ATG16L2: variants seen among roughly 807,000 people sequenced by gnomAD.
ATG16L2 encodes protein Atg16l2.
In ATG16L2, 77 loss-of-function variants were observed where a neutral mutation model predicts 84.7. That is an observed-to-expected ratio of 0.91 (90% confidence interval 0.76 to 1.10). The LOEUF (loss-of-function observed/expected upper bound fraction) is 1.10, where lower values mean the gene tolerates loss of function less well. Ranked by LOEUF, ATG16L2 falls within the 50% of genes least tolerant of loss-of-function variation. ATG16L2 has a pLI of 0.00. For synonymous variants in ATG16L2, 361 were observed against 342.8 expected, an observed-to-expected ratio of 1.05 and a Z score of -0.59; for missense variants, 782 against 817.6, an observed-to-expected ratio of 0.96 and a Z score of 0.53.
intron 7 of ATG16L2, chr11:72,823,770 C>T (rs771040611): frequency 2.2e-5 from 12 of 537,534 alleles, no homozygotes; most frequent in African/African-American, 1.3e-4. Flanking sequence ...CTGTAGGCCC[C>T]GGCTCAGCTT....
chr11:72,824,866 G>A, intron 9 of ATG16L2, 24 bp downstream of exon 9: 1 of 1,555,372 alleles, frequency 6.4e-7, no homozygotes, highest in Non-Finnish European at 8.7e-7. Flanking sequence ...TGAGCCACAT[G>A]GGTGGGGCAG....
intron 5 of ATG16L2, chr11:72,837,790 T>G (rs893258988): frequency 2.6e-5 from 4 of 152,256 alleles, no homozygotes; most frequent in Admixed American, 6.5e-5. Flanking sequence ...AAGCTGCATT[T>G]TCCACCATAG....
intron 14 of ATG16L2, 43 bp from the exon 15 acceptor site, chr11:72,828,316 G>A (rs1860482425): frequency 6.2e-7 from 1 of 1,610,946 alleles, no homozygotes; most frequent in Non-Finnish European, 8.5e-7. Context: ...GGAGTGGCCT[G>A]GCTAGGCTGT....
At chr11:72,841,013 C>T in intron 5 of ATG16L2, 1 of 1,329,854 alleles carries the variant, frequency 7.5e-7, no homozygotes, top group Non-Finnish European at 1.1e-6. Context: ...AGCAATAATG[C>T]TGATGCAAGG....
chr11:72,824,909 G>T, intron 9 of ATG16L2, 67 bp downstream of exon 9: 1 of 1,359,632 alleles, frequency 7.4e-7, no homozygotes, highest in African/African-American at 1.5e-5. Context: ...GGGTGGTCTC[G>T]GCACCAGGGG....
In ATG16L2 at chr11:72,822,305, CAGGCCCCGCCCCTCCTGAGGAA is replaced by C. The variant is rs1207407151; in HGVS notation, c.644+24_644+45del. On this transcript the variant is annotated intron_variant, in intron 5 of 17. Transcript: ENST00000321297. This position sits in a 1 kb window ranked among gnomAD's most constrained non-coding sequence, Gnocchi z 4.2. ...ACGAGCGCCGGGAGCGGTGAGGGAG[CAGGCCCCGCCCCTCCTGAGGAA>C]AGGCCCCGCCCCTGCAGGGAGGAGT... The C allele has an allele frequency of 2.0e-6, 3 of 1,515,096 alleles. No homozygotes were observed. The highest frequency in any genetic ancestry group is 2.6e-6 in the Non-Finnish European group (3 of 1,139,138). The allele number at this position is 1,515,096 out of a possible 1,614,324, so 93.9% of individuals were successfully genotyped here. A position where few individuals can be genotyped will look rare whatever the true frequency, so the allele number is the denominator to read the frequency against.
chr11:72,824,327 AG>A, intron 8 of ATG16L2: 1 of 630,604 alleles, frequency 1.6e-6, no homozygotes, highest in Non-Finnish European at 2.8e-6. Flanking sequence ...TGTCCTCACA[AG>A]GGTCTGTCTT....
chr11:72,829,415 G>A lies in ATG16L2; in HGVS notation c.*25G>A. ...GGGCCACGACCTGCCTGCCTGGGCT[G>A]GAGCTCTTGCCCGAAGCCTGAAGCT... On this transcript the variant is annotated 3_prime_UTR_variant, in exon 18 of 18. Transcript: ENST00000321297. 6.2e-7 allele frequency: 1 copy of A among 1,602,884 alleles called. No homozygotes were observed. Among genetic ancestry groups the A allele is most frequent in the East Asian group, 2.2e-5 (1 of 44,644 alleles).
At chr11:72,830,537 T>A (rs1296225421), downstream of ATG16L2, among the ~76,000 whole-genome samples, 1 of 152,152 alleles carries the variant, frequency 6.6e-6, no homozygotes, top group Non-Finnish European at 1.5e-5. Context: ...TAGTGCAGCC[T>A]CAAACTCCTG....
chr11:72,842,512 G>A (rs1369029306), intron 5 of ATG16L2: 14 of 1,326,418 alleles, frequency 1.1e-5, no homozygotes, highest in South Asian at 4.2e-5. Flanking sequence ...ACCAAGGACC[G>A]GTGAGGGTAA....
chr11:72,822,274 T>A lies in ATG16L2; in HGVS notation c.623T>A (p.Leu208Gln), dbSNP rs1453851026. The change falls in exon 5 of 18, where the codon CTG becomes CAG. Residue 208 changes from leucine (L) to glutamine (Q), a missense_variant. Leu to Gln is a moderately radical substitution (Grantham distance 113, BLOSUM62 -2). Coordinates refer to ENST00000321297, the MANE Select transcript of ATG16L2 (RefSeq NM_033388.2). The surrounding 1 kb of genome is among the most constrained non-coding windows in gnomAD (Gnocchi z 4.2). ...RKARAAAERN[L>Q]RNERRERAKQ... Reference sequence around the variant, plus strand: ...GCGCGCGCCGCGGCCGAGCGCAACCTGCGCAACGAGCGCCGGGAGCGGTGA... The same window carrying A: ...GCGCGCGCCGCGGCCGAGCGCAACCAGCGCAACGAGCGCCGGGAGCGGTGA... 2 of 1,507,692 alleles carry A rather than the reference T, an allele frequency of 1.3e-6. No individual in the cohort carries two copies. The highest frequency in any genetic ancestry group is 2.8e-5 in the African/African-American group (2 of 70,206). The allele number at this position is 1,507,692 out of a possible 1,614,324, so 93.4% of individuals were successfully genotyped here. A position where few individuals can be genotyped will look rare whatever the true frequency, so the allele number is the denominator to read the frequency against.
chr11:72,826,609 G>A lies in ATG16L2; in HGVS notation c.1245+20G>A, dbSNP rs201449569. ...TCCAAGGTGAGGCCTGACTGGGGAG[G>A]CTGCCTGGAGGTCAGAGGTCATACC... On this transcript the variant is annotated intron_variant, in intron 12 of 17. Coordinates refer to ENST00000321297, the MANE Select transcript of ATG16L2 (RefSeq NM_033388.2). The A allele has an allele frequency of 1.3e-5, 21 of 1,614,014 alleles. No homozygotes were observed. In the East Asian group the frequency reaches 3.6e-4, roughly 27 times the overall value.
chr11:72,843,471 C>T, exon 6 of ATG16L2: 1 of 1,613,544 alleles, frequency 6.2e-7, no homozygotes. Flanking sequence ...TTCCATATCT[C>T]CATCTTCAAT....
intron 11 of ATG16L2, 24 bp downstream of exon 11, chr11:72,826,267 A>C (rs1367413401): frequency 1.9e-6 from 3 of 1,611,606 alleles, no homozygotes; most frequent in Admixed American, 1.7e-5. Flanking sequence ...CCCCAGTGGC[A>C]TGGGATTGTG....
intron 5 of ATG16L2, chr11:72,840,858 T>C (rs368134636): frequency 1.4e-4 from 224 of 1,565,086 alleles, no homozygotes; most frequent in Non-Finnish European, 1.8e-4. Flanking sequence ...TCGATAATCC[T>C]GCAAGATCAG....
Position 72,814,423 on chromosome 11 carries a change from C to T in ATG16L2, c.-23C>T. ...CGCCGTCCTGGGCGGGAGGAACGCGCCGCTAGGCGGGAGAGCGCGGCCATG... is the reference window on the plus strand; with the variant it reads ...CGCCGTCCTGGGCGGGAGGAACGCGTCGCTAGGCGGGAGAGCGCGGCCATG... On this transcript the variant is annotated 5_prime_UTR_variant, in exon 1 of 18. Transcript: ENST00000321297. The T allele has an allele frequency of 7.1e-7, 1 of 1,418,238 alleles. No individual in the cohort carries two copies. The highest frequency in any genetic ancestry group is 9.3e-7 in the Non-Finnish European group (1 of 1,074,582). 87.9% of individuals were successfully genotyped at this position (1,418,238 alleles called of 1,614,324 possible).
At chr11:72,821,846 C>T in intron 4 of ATG16L2, 105 bp downstream of exon 4, 1 of 1,457,010 alleles carries the variant, frequency 6.9e-7, no homozygotes, top group African/African-American at 1.4e-5. Context: ...TCTTTCCCTA[C>T]GTCCCCCCGA....
At chr11:72,820,411 C>T (rs1859924399) in intron 3 of ATG16L2, 1 of 152,212 alleles carries the variant, frequency 6.6e-6, no homozygotes, top group South Asian at 2.1e-4. Flanking sequence ...CTGGCAAGTA[C>T]TAATCTGTTT....
At chr11:72,842,260 G>C (rs1370774197) in intron 5 of ATG16L2, among the ~76,000 whole-genome samples, 1 of 152,232 alleles carries the variant, frequency 6.6e-6, no homozygotes, top group African/African-American at 2.4e-5. Context: ...GGGAGAGAGA[G>C]AGCCAGCTAA....
Sources: gnomAD v4.1 joint callset for allele counts (sites outside exome capture counted in the v4.1 genomes callset) on GRCh38, gnomAD v4.1.1 for gene constraint, Gnocchi (gnomAD v3.1) non-coding constraint, MANE v1.5 for transcripts, NCBI Gene and HGNC (gene_info 2026-07-23, HGNC 2026-07-21) for gene names.